The following LMNTD1 variants were observed in gnomAD, a reference collection of about 807,000 sequenced individuals.
LMNTD1 encodes the protein lamin tail domain-containing protein 1.
Under a neutral mutation model 50.9 loss-of-function variants are expected in LMNTD1, and 35 were observed. The ratio of observed to expected loss-of-function variants is 0.69; its 90% CI spans 0.53 to 0.91. The LOEUF is 0.91. LMNTD1 is among the 40% of genes least tolerant of loss of function. The pLI is 0.00. For synonymous variants in LMNTD1, 153 were observed against 161.9 expected, an observed-to-expected ratio of 0.94 and a Z score of 0.42; for missense variants, 470 against 475.5, an observed-to-expected ratio of 0.99 and a Z score of 0.11.
Position 25,565,518 on chromosome 12 carries a change from GT to G in LMNTD1, c.59-18965del, listed in dbSNP as rs35476762. Among the ~76,000 whole-genome samples the G allele has an allele frequency of 9.4e-3, 1,433 of 152,120 alleles. 12 individuals are homozygous for G. The highest frequency in any genetic ancestry group is 0.014 in the Non-Finnish European group (938 of 67,962). On this transcript the variant is annotated intron_variant, in intron 1 of 7. Coordinates refer to the LMNTD1 transcript ENST00000445693. Reference sequence around the variant, plus strand: ...GTCCCCAACTTTTTCACATTTTGTTGTTTCTATTTATATCTTATTGTACTGT... The same window carrying G: ...GTCCCCAACTTTTTCACATTTTGTTGTTCTATTTATATCTTATTGTACTGT...
chr12:25,610,635 G>A (rs763273647), intron 1 of LMNTD1, among the ~76,000 whole-genome samples: 11 of 152,274 alleles, frequency 7.2e-5, no homozygotes, highest in Non-Finnish European at 1.0e-4. Flanking sequence ...CCAGGAGAAA[G>A]GCAATGAGAG....
chr12:25,578,009 A>ACAGG (rs1945107973), intron 1 of LMNTD1, among the ~76,000 whole-genome samples: 1 of 152,116 alleles, frequency 6.6e-6, no homozygotes, highest in Non-Finnish European at 1.5e-5. Context: ...CACTCCATGG[A>ACAGG]CAGGCTTCTT....
intron 1 of LMNTD1, among the ~76,000 whole-genome samples, chr12:25,580,906 G>T (rs1945253115): frequency 6.6e-6 from 1 of 152,274 alleles, no homozygotes; most frequent in Admixed American, 6.5e-5. Context: ...TCAAAATGGG[G>T]AAATGGATAC....
intron 1 of LMNTD1, among the ~76,000 whole-genome samples, chr12:25,641,365 T>C (rs1393026460): frequency 6.6e-6 from 1 of 152,170 alleles, no homozygotes; most frequent in African/African-American, 2.4e-5. Context: ...TATTGGCTGA[T>C]ACAGTAAGCT....
chr12:25,628,320 A>G (rs1204843796), intron 1 of LMNTD1, among the ~76,000 whole-genome samples: 3 of 151,822 alleles, frequency 2.0e-5, no homozygotes, highest in African/African-American at 7.3e-5. Context: ...TATTTTTTGG[A>G]TCATTCAACT....
intron 9 of LMNTD1, among the ~76,000 whole-genome samples, chr12:25,480,756 A>G (rs1207622771): frequency 6.6e-6 from 1 of 152,184 alleles, no homozygotes; most frequent in Non-Finnish European, 1.5e-5. Flanking sequence ...TTTCAGATGC[A>G]TATGTCTTTA....
intron 9 of LMNTD1, among the ~76,000 whole-genome samples, chr12:25,488,916 G>A (rs2135916149): frequency 6.6e-6 from 1 of 152,314 alleles, no homozygotes; most frequent in East Asian, 1.9e-4. Flanking sequence ...CCCTGCTGGG[G>A]GGTGCCTCCC....
At chr12:25,496,795 C>T (rs150468537) in intron 9 of LMNTD1, among the ~76,000 whole-genome samples, 4 of 152,252 alleles carry the variant, frequency 2.6e-5, no homozygotes, top group African/African-American at 9.6e-5. Flanking sequence ...GTGCAACCAT[C>T]ATCTCTATCC....
chr12:25,614,748 C>G (rs984038981), intron 1 of LMNTD1, among the ~76,000 whole-genome samples: 10 of 152,180 alleles, frequency 6.6e-5, no homozygotes, highest in African/African-American at 2.4e-4. Flanking sequence ...AAGGCTGCCA[C>G]AACAAAGTAT....
intron 9 of LMNTD1, among the ~76,000 whole-genome samples, chr12:25,487,932 C>A (rs1388290456): frequency 2.2e-5 from 3 of 138,526 alleles, no homozygotes; most frequent in African/African-American, 8.0e-5. Context: ...GTTGAAAATT[C>A]TTTTCTTTAA....
chr12:25,636,029 T>C (rs974989213), intron 1 of LMNTD1, among the ~76,000 whole-genome samples: 2 of 152,124 alleles, frequency 1.3e-5, no homozygotes, highest in African/African-American at 4.8e-5. Flanking sequence ...ACTGTAAAAA[T>C]TCTAAAAGAT....
intron 9 of LMNTD1, among the ~76,000 whole-genome samples, chr12:25,493,044 TA>T (rs1938937789): frequency 6.6e-6 from 1 of 152,208 alleles, no homozygotes; most frequent in Non-Finnish European, 1.5e-5. Context: ...GCCTGTCTCT[TA>T]AAATCAGCTC....
At chr12:25,492,692 C>T (rs1187853259) in intron 9 of LMNTD1, among the ~76,000 whole-genome samples, 3 of 152,018 alleles carry the variant, frequency 2.0e-5, no homozygotes, top group African/African-American at 4.8e-5. Context: ...TCATAAAAAG[C>T]AAGATTGAAA....
Position 25,546,433 on chromosome 12 carries a change from A to G in LMNTD1, c.432T>C (p.Thr144=), listed in dbSNP as rs765577984. Residue 144 remains threonine, a synonymous_variant, in exon 4 of 10, where the codon ACT becomes ACC. Transcript: ENST00000458174. ...TAGAAAAGTATTTTAAAGTTTTCTG[A>G]GTGTAGTTTGAGTGTGCTGTAAGTT... ...SKKLTAHSNY[T]QKTLKYFSMI... is the part of the protein sequence containing the mutation. 1 of 1,598,204 alleles carries G rather than the reference A, an allele frequency of 6.3e-7. No individual in the cohort carries two copies. The highest frequency in any genetic ancestry group is 8.5e-7 in the Non-Finnish European group (1 of 1,171,380).
chr12:25,546,949 A>G (rs1371128495), intron 3 of LMNTD1, among the ~76,000 whole-genome samples: 1 of 151,654 alleles, frequency 6.6e-6, no homozygotes, highest in Non-Finnish European at 1.5e-5. Flanking sequence ...GTATGCTAAA[A>G]TTCCCAAATG....
chr12:25,633,208 A>G (rs1397619293), intron 1 of LMNTD1, among the ~76,000 whole-genome samples: 1 of 152,162 alleles, frequency 6.6e-6, no homozygotes, highest in Non-Finnish European at 1.5e-5. Context: ...AATGATATAG[A>G]CAGCAACACA....
At chr12:25,479,822 C>T (rs1312564347) in intron 9 of LMNTD1, among the ~76,000 whole-genome samples, 2 of 152,188 alleles carry the variant, frequency 1.3e-5, no homozygotes, top group African/African-American at 4.8e-5. Flanking sequence ...CACCAAGTAG[C>T]TGGCTGATCC....
chr12:25,596,487 T>C (rs1249248376), intron 1 of LMNTD1, among the ~76,000 whole-genome samples: 2 of 151,986 alleles, frequency 1.3e-5, no homozygotes, highest in Non-Finnish European at 2.9e-5. Context: ...CATGATCATC[T>C]CAATAGACCC....
chr12:25,595,767 CA>C lies in LMNTD1; in HGVS notation c.59-49214del, dbSNP rs201890628. 8.5e-3 allele frequency among the ~76,000 whole-genome samples: 1,291 copies of C among 151,458 alleles called. 23 individuals are homozygous for C. The highest frequency in any genetic ancestry group is 0.063 in the East Asian group (326 of 5,144). The stretch of plus-strand genomic sequence containing the variant: ...AATGAAAGTGAAACAGCAACAGCAA[CA>C]AAAAATTACAAAAGATAAATGAAAC... On this transcript the variant is annotated intron_variant, in intron 1 of 7. Transcript: ENST00000445693.
Sources: allele counts gnomAD v4.1 joint callset (sites outside exome capture counted in the v4.1 genomes callset), GRCh38; gene constraint gnomAD v4.1.1; transcripts MANE v1.5; gene names NCBI Gene and HGNC (gene_info 2026-07-23, HGNC 2026-07-21).